CA8: variants seen among roughly 807,000 people sequenced by gnomAD.
CA8 encodes the protein carbonic anhydrase 8 (inactive).
A neutral mutation model predicts 41.4 loss-of-function variants in CA8; 22 were observed. The observed-to-expected ratio is 0.53, with a 90% CI of 0.38 to 0.76. The LOEUF is 0.76. Ranked by LOEUF, CA8 falls within the 30% of genes least tolerant of loss-of-function variation. CA8 has a pLI of 0.00. For synonymous variants in CA8, 121 were observed against 130.6 expected, an observed-to-expected ratio of 0.93 and a Z score of 0.50; for missense variants, 270 against 352.8, an observed-to-expected ratio of 0.77 and a Z score of 1.88.
At chr8:60,248,790 T>A (rs1808342633) in intron 3 of CA8, among the ~76,000 whole-genome samples, 1 of 152,194 alleles carries the variant, frequency 6.6e-6, no homozygotes, top group Admixed American at 6.5e-5. Flanking sequence ...CTGTGAAGAA[T>A]GTCAATGGTA....
At chr8:60,263,321 TAAA>T (rs11345369) in intron 3 of CA8, among the ~76,000 whole-genome samples, 12 of 132,916 alleles carry the variant, frequency 9.0e-5, no homozygotes, top group Admixed American at 7.6e-5. Flanking sequence ...GACTCCATCT[TAAA>T]AAAAAAAAAA....
chr8:60,225,476 G>A (rs1807401277), intron 5 of CA8, among the ~76,000 whole-genome samples: 1 of 152,148 alleles, frequency 6.6e-6, no homozygotes, highest in Admixed American at 6.5e-5. Flanking sequence ...TCAGTCCACT[G>A]CAGTTGTACA....
chr8:60,232,302 G>A lies in CA8; in HGVS notation c.495C>T (p.Ile165=), dbSNP rs1177120952. The A allele has an allele frequency of 1.9e-6, 3 of 1,612,930 alleles. No individual in the cohort carries two copies. The highest frequency in any genetic ancestry group is 2.5e-6 in the Non-Finnish European group (3 of 1,178,924). Residue 165 remains isoleucine, a synonymous_variant, in exon 4 of 9, where the codon ATC becomes ATT. Transcript: ENST00000317995. The part of the protein sequence containing the change: ...EAVGKPHGIA[I]IALFVQIGKE... ...CGTTTACCTGAACAAACAGAGCAAT[G>A]ATGGCGATTCCGTGCGGCTTCCCCA...
chr8:60,193,339 A>C (rs866185838), intron 8 of CA8, among the ~76,000 whole-genome samples: 1 of 152,148 alleles, frequency 6.6e-6, no homozygotes, highest in South Asian at 2.1e-4. Context: ...ATCTGGACTG[A>C]CTGCCTGGTT....
chr8:60,192,864 T>G (rs1806168735), intron 8 of CA8, among the ~76,000 whole-genome samples: 1 of 151,900 alleles, frequency 6.6e-6, no homozygotes, highest in South Asian at 2.1e-4. Context: ...CTTTCAATTT[T>G]GTTTCAGTAT....
chr8:60,207,092 T>C (rs1016874918), intron 8 of CA8, among the ~76,000 whole-genome samples: 5 of 152,172 alleles, frequency 3.3e-5, no homozygotes, highest in Non-Finnish European at 5.9e-5. Context: ...CCCTCCTTGA[T>C]GTGTCACTCG....
intron 3 of CA8, among the ~76,000 whole-genome samples, chr8:60,255,338 A>C (rs141703501): frequency 8.9e-4 from 131 of 147,902 alleles, no homozygotes; most frequent in African/African-American, 3.2e-3. Flanking sequence ...TTCTGGCCAC[A>C]ATAGAGGTGA....
In CA8 at chr8:60,207,774, G is replaced by C. The variant is rs535188132; in HGVS notation, c.*35+976C>G. Among the ~76,000 whole-genome samples the C allele has an allele frequency of 1.4e-4, 22 of 152,226 alleles. No homozygotes were observed. The East Asian group carries it at 4.2e-3, about 29-fold the overall frequency. ...TTTTTTGTTTTGTTTCATTTTGTTT[G>C]AGACACGATCTCAATCTGTCACCCA... On this transcript the variant is annotated intron_variant, in intron 8 of 8. Transcript: ENST00000317995.
intron 8 of CA8, among the ~76,000 whole-genome samples, chr8:60,204,242 G>T (rs1292085003): frequency 1.3e-5 from 2 of 152,162 alleles, no homozygotes; most frequent in African/African-American, 4.8e-5. Flanking sequence ...ATGTTTAAAT[G>T]ACAAACTGGT....
intron 8 of CA8, among the ~76,000 whole-genome samples, chr8:60,206,830 G>A (rs1033463447): frequency 7.9e-5 from 12 of 151,856 alleles, no homozygotes; most frequent in Non-Finnish European, 1.5e-5. Context: ...CAACTTTTCA[G>A]ACTTCACTGC....
At chr8:60,233,520 C>G (rs1157156492) in intron 3 of CA8, among the ~76,000 whole-genome samples, 1 of 152,200 alleles carries the variant, frequency 6.6e-6, no homozygotes, top group Non-Finnish European at 1.5e-5. Context: ...GAAAAACTCA[C>G]AGAGACTGTG....
rs1301559119 is a variant in CA8, at chr8:60,189,602, G to A, written c.*419C>T. 1.3e-5 allele frequency: 2 copies of A among 151,486 alleles called. No individual in the cohort carries two copies. The highest frequency in any genetic ancestry group is 4.8e-5 in the African/African-American group (2 of 41,332). The allele number at this position is 151,486 out of a possible 1,614,324, so 9.4% of individuals were successfully genotyped here. A position where few individuals can be genotyped will look rare whatever the true frequency, so the allele number is the denominator to read the frequency against. ...AAGAATTACACTAGTTCTAAAATGA[G>A]TGAATTTTCTGTTGGAGACAGGAAA... On this transcript the variant is annotated 3_prime_UTR_variant, in exon 9 of 9. Transcript: ENST00000317995.
chr8:60,253,268 A>G (rs1388120654), intron 3 of CA8, among the ~76,000 whole-genome samples: 1 of 152,142 alleles, frequency 6.6e-6, no homozygotes, highest in Non-Finnish European at 1.5e-5. Context: ...CAATATGGAT[A>G]GTAGTGAAAG....
At chr8:60,236,290 C>G (rs933826776) in intron 3 of CA8, among the ~76,000 whole-genome samples, 4 of 152,198 alleles carry the variant, frequency 2.6e-5, no homozygotes, top group African/African-American at 4.8e-5. Context: ...CCTTGAAACT[C>G]AAGCTGCAAC....
intron 6 of CA8, among the ~76,000 whole-genome samples, chr8:60,223,939 C>A (rs1807336056): frequency 6.6e-6 from 1 of 152,074 alleles, no homozygotes; most frequent in South Asian, 2.1e-4. Context: ...GTTATCTGTA[C>A]AGAAATACAA....
chr8:60,255,030 G>T (rs1406377054), intron 3 of CA8, among the ~76,000 whole-genome samples: 1 of 152,160 alleles, frequency 6.6e-6, no homozygotes, highest in Non-Finnish European at 1.5e-5. Flanking sequence ...AGCTTTAAAG[G>T]GTAAGTGGGG....
intron 2 of CA8, among the ~76,000 whole-genome samples, chr8:60,268,446 T>C: frequency 6.6e-6 from 1 of 152,214 alleles, no homozygotes; most frequent in East Asian, 1.9e-4. Context: ...GACAGTGATT[T>C]CAGGGAACCA....
intron 3 of CA8, among the ~76,000 whole-genome samples, chr8:60,254,732 A>G (rs1346074985): frequency 6.6e-6 from 1 of 152,216 alleles, no homozygotes; most frequent in Non-Finnish European, 1.5e-5. Flanking sequence ...AATGGTGATC[A>G]GCTCAGGCCA....
chr8:60,192,556 G>C (rs1431158093), intron 8 of CA8, among the ~76,000 whole-genome samples: 1 of 152,082 alleles, frequency 6.6e-6, no homozygotes, highest in African/African-American at 2.4e-5. Context: ...AGTTTTCATA[G>C]GATAAAGTAA....
Sources: allele counts gnomAD v4.1 joint callset (sites outside exome capture counted in the v4.1 genomes callset), GRCh38; gene constraint gnomAD v4.1.1; transcripts MANE v1.5; gene names NCBI Gene and HGNC (gene_info 2026-07-23, HGNC 2026-07-21).